The following UBE2Z variants were observed in gnomAD, a reference collection of about 807,000 sequenced individuals.
UBE2Z encodes the protein ubiquitin-conjugating enzyme E2 Z.
UBE2Z carries 10 observed loss-of-function variants against 32.6 expected under a neutral mutation model. The ratio of observed to expected loss-of-function variants is 0.31; its 90% CI spans 0.19 to 0.52. UBE2Z has a LOEUF of 0.52. Among genes scored for constraint, UBE2Z ranks in the 20% least tolerant of loss-of-function variants. The probability of loss-of-function intolerance (pLI) is 0.97; values close to 1 mark genes in which losing one functional copy is unlikely to be tolerated. For missense variants in UBE2Z, 343 were observed against 480.9 expected (o/e 0.71, Z 2.68); for synonymous variants, 183 against 190.8 (o/e 0.96, Z 0.34).
chr17:48,914,460 C>G (rs1368781717), intron 3 of UBE2Z, among the ~76,000 whole-genome samples: 1 of 152,164 alleles, frequency 6.6e-6, no homozygotes, highest in Non-Finnish European at 1.5e-5. Flanking sequence ...AGGAGGTTGT[C>G]CTTAAAGAAG....
chr17:48,911,194 T>C (rs1054145963), intron 2 of UBE2Z: 17 of 333,844 alleles, frequency 5.1e-5, no homozygotes, highest in Non-Finnish European at 9.2e-5. Context: ...ATAAATTATA[T>C]GGTCACCCTA....
chr17:48,923,329 A>T (rs8070081), intron 6 of UBE2Z, among the ~76,000 whole-genome samples: 30 of 69,658 alleles, frequency 4.3e-4, no homozygotes, highest in South Asian at 1.3e-3. Flanking sequence ...TCAAAAAAAA[A>T]AAAAAAAAAA....
intron 2 of UBE2Z, chr17:48,911,345 A>G (rs1444744940): frequency 1.8e-5 from 3 of 163,330 alleles, no homozygotes; most frequent in Admixed American, 1.1e-4. Context: ...TTTGCTCAGG[A>G]TCCTGTCCTT....
intron 6 of UBE2Z, 96 bp downstream of exon 6, chr17:48,923,033 C>T: frequency 8.6e-7 from 1 of 1,158,644 alleles, no homozygotes. Context: ...TAGAATGACA[C>T]AGCTAAGCCT....
chr17:48,913,165 T>C (rs1161814097), intron 3 of UBE2Z, 144 bp downstream of exon 3: 22 of 808,104 alleles, frequency 2.7e-5, no homozygotes, highest in Non-Finnish European at 3.5e-5. Flanking sequence ...CAGGATGGTA[T>C]GTGACTAGTA....
chr17:48,909,420 A>T (rs2040658991), intron 1 of UBE2Z, among the ~76,000 whole-genome samples: 1 of 151,532 alleles, frequency 6.6e-6, no homozygotes, highest in Non-Finnish European at 1.5e-5. Context: ...CCCCTTTTCC[A>T]GTGTCCCAAA....
At chr17:48,910,926 C>G in intron 2 of UBE2Z, 46 bp downstream of exon 2, 2 of 1,493,162 alleles carry the variant, frequency 1.3e-6, no homozygotes, top group Non-Finnish European at 1.9e-6. Flanking sequence ...AAATTGGGGG[C>G]CATAAGGTTG....
In UBE2Z at chr17:48,908,530, G is replaced by T; in HGVS notation, c.27G>T (p.Ala9=). The change falls in exon 1 of 7, where the codon GCG becomes GCT. Residue 9 remains alanine (A), a synonymous_variant. Transcript: ENST00000360943. ...TGGCGGAGAGTCCGACTGAGGAGGC[G>T]GCAACGGCGGGCGCCGGGGCGGCGG... MAESPTEE[A]ATAGAGAAGP... The T allele has an allele frequency of 1.6e-6, 2 of 1,235,734 alleles. No homozygotes were observed. The highest frequency in any genetic ancestry group is 2.0e-6 in the Non-Finnish European group (2 of 988,682). The allele number at this position is 1,235,734 out of a possible 1,614,324, so 76.5% of individuals were successfully genotyped here.
At position 48,923,012 on chromosome 17, in the gene UBE2Z, G is replaced by A. The variant is rs532824568; in HGVS notation, c.894+75G>A. On this transcript the variant is annotated intron_variant, in intron 6 of 6. Coordinates refer to ENST00000360943, the MANE Select transcript of UBE2Z (RefSeq NM_023079.5). ...AAAAGCCCCCCACAAGCGTGGCATC[G>A]ACAGCTGTCATAGAATGACACAGCT... 15 of 1,350,984 alleles carry A rather than the reference G, an allele frequency of 1.1e-5. No individual in the cohort carries two copies. The East Asian group carries it at 1.3e-4, about 11-fold the overall frequency. 83.7% of individuals were successfully genotyped at this position (1,350,984 alleles called of 1,614,324 possible).
chr17:48,922,754 A>T, intron 5 of UBE2Z, 93 bp from the exon 6 acceptor site: 1 of 944,656 alleles, frequency 1.1e-6, no homozygotes, highest in Non-Finnish European at 1.6e-6. Context: ...GCTACAGAGC[A>T]AGACTCCATC....
At chr17:48,911,136 CTATT>C (rs2040673955) in intron 2 of UBE2Z, 1 of 486,954 alleles carries the variant, frequency 2.1e-6, no homozygotes, top group Non-Finnish European at 3.7e-6. Flanking sequence ...CGCAGCTTGA[CTATT>C]TATAGGGCAT....
chr17:48,920,760 G>T (rs772729681), intron 4 of UBE2Z, among the ~76,000 whole-genome samples: 5 of 152,088 alleles, frequency 3.3e-5, no homozygotes, highest in Non-Finnish European at 5.9e-5. Context: ...AAACTCTTGG[G>T]CTCAAGTGAT....
intron 3 of UBE2Z, among the ~76,000 whole-genome samples, chr17:48,914,642 A>G (rs1458523072): frequency 6.6e-6 from 1 of 152,242 alleles, no homozygotes; most frequent in Non-Finnish European, 1.5e-5. Context: ...TACCAGCCAC[A>G]GGACAGTGGG....
At chr17:48,917,348 A>G (rs751118718) in intron 4 of UBE2Z, among the ~76,000 whole-genome samples, 2 of 152,148 alleles carry the variant, frequency 1.3e-5, no homozygotes, top group African/African-American at 2.4e-5. Flanking sequence ...TGTGAGAGTT[A>G]CAATAAGTAT....
chr17:48,920,151 A>G (rs1212257469), intron 4 of UBE2Z, among the ~76,000 whole-genome samples: 2 of 151,780 alleles, frequency 1.3e-5, no homozygotes, highest in African/African-American at 4.8e-5. Flanking sequence ...TCATGCCACC[A>G]CTCTCCAGCC....
Position 48,913,004 on chromosome 17 carries a change from C to T in UBE2Z, c.561C>T (p.Val187=). 1 of 1,613,874 alleles carries T rather than the reference C, an allele frequency of 6.2e-7. No individual in the cohort carries two copies. The highest frequency in any genetic ancestry group is 8.5e-7 in the Non-Finnish European group (1 of 1,179,854). The change falls in exon 3 of 7, where the codon GTC becomes GTT. Residue 187 remains valine (V), a synonymous_variant. Coordinates refer to ENST00000360943, the MANE Select transcript of UBE2Z (RefSeq NM_023079.5). ...CCAACTTCTACCGCAATGGGAAAGT[C>T]TGCTTGAGTATTCTAGGGTAAGAGG... The part of the protein sequence containing the change: ...FNPNFYRNGK[V]CLSILGTWTG...
intron 6 of UBE2Z, 133 bp from the exon 7 acceptor site, chr17:48,926,831 C>A: frequency 1.0e-6 from 1 of 954,120 alleles, no homozygotes; most frequent in Non-Finnish European, 1.5e-6. Flanking sequence ...TTTGGGACTG[C>A]CTGTGCTGTT....
chr17:48,909,135 C>T (rs2040654840), intron 1 of UBE2Z, among the ~76,000 whole-genome samples: 1 of 150,764 alleles, frequency 6.6e-6, no homozygotes, highest in African/African-American at 2.4e-5. Context: ...AAACCCGACC[C>T]TTTAGCGCTT....
rs371253123 is a variant in UBE2Z, at chr17:48,916,258, G to GTTTTT, written c.690+82_690+86dup. The GTTTTT allele has an allele frequency of 2.6e-3, 1,080 of 418,082 alleles. 2 individuals carry two copies. The highest frequency in any genetic ancestry group is 7.6e-3 in the East Asian group (140 of 18,324). 25.9% of individuals were successfully genotyped at this position (418,082 alleles called of 1,614,324 possible). On this transcript the variant is annotated intron_variant, in intron 4 of 6. Coordinates refer to ENST00000360943, the MANE Select transcript of UBE2Z (RefSeq NM_023079.5). ...GTTTGTTTGGTTGGTTGGTTTTTTT[G>GTTTTT]TTTTTTTTTTTTTTTGAGACAGAGT...
Sources: allele counts gnomAD v4.1 joint callset (sites outside exome capture counted in the v4.1 genomes callset), GRCh38; gene constraint gnomAD v4.1.1; transcripts MANE v1.5; gene names NCBI Gene and HGNC (gene_info 2026-07-23, HGNC 2026-07-21).